ZBTB7C: variants seen among roughly 807,000 people sequenced by gnomAD.
ZBTB7C encodes zinc finger and BTB domain containing 7C.
Under a neutral mutation model 25.7 loss-of-function variants are expected in ZBTB7C, and 8 were observed. The observed-to-expected ratio is 0.31, with a 90% CI of 0.18 to 0.56. The LOEUF is 0.56. Ranked by LOEUF, ZBTB7C falls within the 20% of genes least tolerant of loss-of-function variation. The probability of loss-of-function intolerance (pLI) is 0.91; values close to 1 mark genes in which losing one functional copy is unlikely to be tolerated. For synonymous variants in ZBTB7C, 394 were observed against 369.0 expected, an observed-to-expected ratio of 1.07 and a Z score of -0.78; for missense variants, 824 against 855.2, an observed-to-expected ratio of 0.96 and a Z score of 0.46.
In ZBTB7C at chr18:48,348,959, T is replaced by C. The variant is rs192532915; in HGVS notation, c.-303-10561A>G. Among the ~76,000 whole-genome samples the C allele has an allele frequency of 1.7e-4, 26 of 152,226 alleles. No homozygotes were observed. In the East Asian group the frequency reaches 4.4e-3, roughly 26 times the overall value. On this transcript the variant is annotated intron_variant, in intron 1 of 4. Transcript: ENST00000590800. ...CTGGCTGTGCCTGCTGCCCCTCTGC[T>C]CTCACACACACACATGCATCTGGCC...
chr18:48,317,289 A>T (rs900749146), intron 2 of ZBTB7C, among the ~76,000 whole-genome samples: 2 of 151,640 alleles, frequency 1.3e-5, no homozygotes, highest in African/African-American at 4.8e-5. Flanking sequence ...AAAGACACTC[A>T]AAAAATGTGG....
intron 3 of ZBTB7C, among the ~76,000 whole-genome samples, chr18:48,061,374 G>C (rs1468323567): frequency 2.0e-5 from 3 of 152,106 alleles, no homozygotes; most frequent in Admixed American, 2.0e-4. Context: ...ATAGTCCCAC[G>C]TGGAGTGCTT....
At chr18:48,229,343 T>G (rs1044275789) in intron 2 of ZBTB7C, among the ~76,000 whole-genome samples, 4 of 152,214 alleles carry the variant, frequency 2.6e-5, no homozygotes, top group African/African-American at 9.6e-5. Context: ...TGATGGATAG[T>G]TATACATTTT....
At chr18:48,289,369 G>A (rs953380796) in intron 2 of ZBTB7C, among the ~76,000 whole-genome samples, 1 of 152,110 alleles carries the variant, frequency 6.6e-6, no homozygotes, top group Non-Finnish European at 1.5e-5. Flanking sequence ...CCATCAGCAA[G>A]AGAATGGTTG....
chr18:48,067,878 G>A (rs1228190977), intron 3 of ZBTB7C, among the ~76,000 whole-genome samples: 1 of 152,152 alleles, frequency 6.6e-6, no homozygotes, highest in Non-Finnish European at 1.5e-5. Context: ...GCGCATGCCT[G>A]TAATCCCAGC....
chr18:48,122,673 G>T (rs1243107467), intron 3 of ZBTB7C, among the ~76,000 whole-genome samples: 1 of 152,144 alleles, frequency 6.6e-6, no homozygotes, highest in Non-Finnish European at 1.5e-5. Context: ...AAAATGCAAG[G>T]GTTGGAGTTC....
chr18:48,329,675 CTT>C lies in ZBTB7C; in HGVS notation c.-79+8497_-79+8498del, dbSNP rs553843600. Reference sequence around the variant, plus strand: ...ATATGTGCATCTTTAGTGTTTGACTCTTTGTACTCCTTGAAGTGTTTGTACCG... The same window carrying C: ...ATATGTGCATCTTTAGTGTTTGACTCTGTACTCCTTGAAGTGTTTGTACCG... On this transcript the variant is annotated intron_variant, in intron 2 of 4. Transcript: ENST00000590800. Among the ~76,000 whole-genome samples, 135 of 152,296 alleles carry C rather than the reference CTT, an allele frequency of 8.9e-4. 3 individuals carry two copies. Among genetic ancestry groups the C allele is most frequent in the Non-Finnish European group, 1.7e-3 (116 of 68,028 alleles).
upstream of ZBTB7C, among the ~76,000 whole-genome samples, chr18:48,409,895 C>T (rs1301502156): frequency 6.6e-6 from 1 of 152,148 alleles, no homozygotes; most frequent in Non-Finnish European, 1.5e-5. Context: ...TCCTGACGCC[C>T]TCTGCGGCCC....
At chr18:48,189,922 G>A (rs1284117757) in intron 2 of ZBTB7C, among the ~76,000 whole-genome samples, 2 of 152,200 alleles carry the variant, frequency 1.3e-5, no homozygotes, top group East Asian at 1.9e-4. Flanking sequence ...TGGCCTCTGC[G>A]GGGCAGATGC....
chr18:48,177,583 G>A (rs1465352153), intron 3 of ZBTB7C, among the ~76,000 whole-genome samples: 1 of 152,128 alleles, frequency 6.6e-6, no homozygotes, highest in Non-Finnish European at 1.5e-5. Flanking sequence ...ATACGCATGT[G>A]TGTGTTTGTG....
intron 2 of ZBTB7C, among the ~76,000 whole-genome samples, chr18:48,227,057 A>T (rs1006496029): frequency 6.6e-6 from 1 of 151,654 alleles, no homozygotes; most frequent in African/African-American, 2.4e-5. Flanking sequence ...AAAAGAAAAA[A>T]AAAAGAGTTA....
intron 2 of ZBTB7C, chr18:48,203,733 TC>T (rs1167532125): frequency 6.6e-6 from 1 of 152,288 alleles, no homozygotes; most frequent in Admixed American, 6.5e-5. Flanking sequence ...GTCCCGCCAC[TC>T]TTTAAATGAT....
At chr18:48,128,453 C>T (rs1263376409) in intron 3 of ZBTB7C, among the ~76,000 whole-genome samples, 1 of 152,216 alleles carries the variant, frequency 6.6e-6, no homozygotes, top group East Asian at 1.9e-4. Context: ...TGGAACCAAC[C>T]TAAGTGCCCA....
intron 3 of ZBTB7C, among the ~76,000 whole-genome samples, chr18:48,098,652 T>A (rs8084492): frequency 0.031 from 4,759 of 152,268 alleles, 233 homozygotes; most frequent in African/African-American, 0.11. Context: ...ATGGGAAGGA[T>A]TTCATATCTG....
intron 2 of ZBTB7C, among the ~76,000 whole-genome samples, chr18:48,272,217 A>T (rs2044514716): frequency 6.6e-6 from 1 of 152,154 alleles, no homozygotes; most frequent in Non-Finnish European, 1.5e-5. Context: ...ACCCTCTCTA[A>T]TGTGGTTAGG....
At chr18:48,304,308 T>C (rs912061610) in intron 2 of ZBTB7C, among the ~76,000 whole-genome samples, 21 of 152,148 alleles carry the variant, frequency 1.4e-4, no homozygotes, top group African/African-American at 5.1e-4. Context: ...AGAGTAACCA[T>C]CTAAATCCAC....
intron 3 of ZBTB7C, among the ~76,000 whole-genome samples, chr18:48,166,745 G>A (rs954416708): frequency 6.6e-6 from 1 of 152,220 alleles, no homozygotes; most frequent in African/African-American, 2.4e-5. Flanking sequence ...CAGGCAGCCA[G>A]GGGCGAGCCG....
intron 1 of ZBTB7C, among the ~76,000 whole-genome samples, chr18:48,365,823 A>G (rs1015698231): frequency 2.6e-5 from 4 of 152,236 alleles, no homozygotes; most frequent in Non-Finnish European, 4.4e-5. Flanking sequence ...AAACTAGGCC[A>G]TAATAGTGAA....
intron 2 of ZBTB7C, among the ~76,000 whole-genome samples, chr18:48,286,061 C>A (rs1173666981): frequency 6.6e-6 from 1 of 152,170 alleles, no homozygotes; most frequent in African/African-American, 2.4e-5. Flanking sequence ...TTCAGGTCCC[C>A]ATACATGTGA....
Sources: allele counts gnomAD v4.1 joint callset (sites outside exome capture counted in the v4.1 genomes callset), GRCh38; gene constraint gnomAD v4.1.1; transcripts MANE v1.5; gene names NCBI Gene and HGNC (gene_info 2026-07-23, HGNC 2026-07-21).